LYST: variants seen among roughly 807,000 people sequenced by gnomAD.
LYST encodes the protein lysosomal trafficking regulator, also known as lysosomal-trafficking regulator.
Under a neutral mutation model 413.6 loss-of-function variants are expected in LYST, and 192 were observed. The observed-to-expected ratio is 0.46, with a 90% CI of 0.41 to 0.52. LYST has a LOEUF of 0.52. Among genes scored for constraint, LYST ranks in the 20% least tolerant of loss-of-function variants. LYST has a pLI of 0.00. For synonymous variants in LYST, 1,525 were observed against 1,567.3 expected (o/e 0.97, Z 0.64); for missense variants, 3,815 against 4,499.9 (o/e 0.85, Z 4.35).
intron 4 of LYST, 72 bp downstream of exon 4, chr1:235,812,899 A>G: frequency 1.2e-6 from 1 of 867,096 alleles, no homozygotes; most frequent in Non-Finnish European, 2.0e-6. Context: ...TCAGAATCAA[A>G]CATTCAGGCA....
At chr1:235,719,628 A>T in intron 40 of LYST, among the ~76,000 whole-genome samples, 1 of 8,592 alleles carries the variant, frequency 1.2e-4, no homozygotes, top group South Asian at 3.1e-3. Context: ...GCAGAATGAT[A>T]AAAAAAAAAA....
At position 235,674,744 on chromosome 1, in the gene LYST, A is replaced by G. The variant is rs150534643; in HGVS notation, c.11038+2347T>C. Among the ~76,000 whole-genome samples, 333 of 152,328 alleles carry G rather than the reference A, an allele frequency of 2.2e-3. 2 individuals carry two copies. Among genetic ancestry groups the G allele is most frequent in the African/African-American group, 7.7e-3 (322 of 41,572 alleles). On this transcript the variant is annotated intron_variant, in intron 50 of 52. Transcript: ENST00000389793. This position sits in a 1 kb window ranked among gnomAD's most constrained non-coding sequence, Gnocchi z 4.1. The stretch of plus-strand genomic sequence containing the variant: ...GGGTCTGTGTCATGATTGGAGTCCA[A>G]TGTTGTACTTTTATCCCTAACAACA...
intron 1 of LYST, among the ~76,000 whole-genome samples, chr1:235,838,956 C>G (rs1188740176): frequency 1.3e-5 from 2 of 152,044 alleles, no homozygotes; most frequent in Non-Finnish European, 2.9e-5. Context: ...CATTCTCTCT[C>G]TCTCCCCCTA....
At chr1:235,795,139 G>C (rs1482279895) in intron 10 of LYST, among the ~76,000 whole-genome samples, 1 of 152,154 alleles carries the variant, frequency 6.6e-6, no homozygotes, top group African/African-American at 2.4e-5. Context: ...TCCATCTAAG[G>C]TCTGGAGAGA....
intron 31 of LYST, chr1:235,737,916 A>ATAGGAAGC: frequency 2.6e-5 from 30 of 1,163,404 alleles, no homozygotes; most frequent in Admixed American, 1.3e-4. Context: ...GCTGCCGACG[A>ATAGGAAGC]GTCTGGATCT....
intron 48 of LYST, among the ~76,000 whole-genome samples, chr1:235,685,857 A>AC (rs899502913): frequency 7.8e-6 from 1 of 127,900 alleles, no homozygotes; most frequent in Non-Finnish European, 1.5e-5. Context: ...AAACAAAACA[A>AC]AAAAAAAAAA....
intron 26 of LYST, 125 bp downstream of exon 26, chr1:235,752,919 G>T (rs1239477894): frequency 1.6e-5 from 9 of 558,612 alleles, no homozygotes; most frequent in Non-Finnish European, 2.6e-5. Context: ...TTTATTTTAG[G>T]TTCAGAGGTA....
At chr1:235,786,778 T>C (rs1670459966) in intron 14 of LYST, among the ~76,000 whole-genome samples, 1 of 151,608 alleles carries the variant, frequency 6.6e-6, no homozygotes, top group Non-Finnish European at 1.5e-5. Flanking sequence ...AAATCATCAC[T>C]CTCAGCAAAC....
At chr1:235,769,449 T>G (rs1668448479) in intron 20 of LYST, among the ~76,000 whole-genome samples, 1 of 152,026 alleles carries the variant, frequency 6.6e-6, no homozygotes, top group Admixed American at 6.6e-5. Context: ...AAGCCCTTAG[T>G]GCCACCGAAG....
At chr1:235,867,152 A>C (rs182912531), upstream of LYST, among the ~76,000 whole-genome samples, 133 of 152,316 alleles carry the variant, frequency 8.7e-4, 1 homozygote, top group East Asian at 0.015. Context: ...GCGGGGCTGC[A>C]GCCGGGGCCC....
chr1:235,678,067 C>T (rs1659526526), intron 48 of LYST, among the ~76,000 whole-genome samples: 1 of 151,800 alleles, frequency 6.6e-6, no homozygotes. Flanking sequence ...ATAGATAATA[C>T]CATAAATTCT....
rs757725392 is a variant in LYST, at chr1:235,755,461, G to A, written c.7229+17C>T. On this transcript the variant is annotated intron_variant, in intron 25 of 52. Coordinates refer to ENST00000389793, the MANE Select transcript of LYST (RefSeq NM_000081.4). ...ACAAAAGATTCCCAATTATAGTGGA[G>A]GGAAGAACACACTTACTCTTCATCA... 3 of 1,582,916 alleles carry A rather than the reference G, an allele frequency of 1.9e-6. No individual in the cohort carries two copies. The highest frequency in any genetic ancestry group is 2.6e-6 in the Non-Finnish European group (3 of 1,154,262).
At chr1:235,829,272 T>C (rs1675681871) in intron 3 of LYST, 1 of 152,226 alleles carries the variant, frequency 6.6e-6, no homozygotes, top group Non-Finnish European at 1.5e-5. Context: ...TAATTTGTAT[T>C]TGCTATGTTC....
At position 235,700,937 on chromosome 1, in the gene LYST, T is replaced by C. The variant is rs143713214; in HGVS notation, c.10374+1810A>G. ...AATACATATACAATATGTCAGGTGA[T>C]AGAAGTGCTATACACCAAAACAAAG... is the stretch of plus-strand genomic sequence containing the variant. On this transcript the variant is annotated intron_variant, in intron 45 of 52. Transcript: ENST00000389793. Among the ~76,000 whole-genome samples the C allele has an allele frequency of 2.2e-3, 337 of 152,306 alleles. 1 individual carries two copies. Among genetic ancestry groups the C allele is most frequent in the African/African-American group, 7.6e-3 (317 of 41,558 alleles).
chr1:235,699,604 T>C (rs928863407), intron 45 of LYST, among the ~76,000 whole-genome samples: 1 of 152,202 alleles, frequency 6.6e-6, no homozygotes, highest in Non-Finnish European at 1.5e-5. Context: ...AGTAATGGGA[T>C]TGCTGAGTCA....
chr1:235,730,695 A>C, intron 36 of LYST, 152 bp downstream of exon 36: 2 of 620,048 alleles, frequency 3.2e-6, no homozygotes, highest in Non-Finnish European at 5.7e-6. Flanking sequence ...TTCCTTTTGG[A>C]TTTTGGCCAT....
intron 1 of LYST, among the ~76,000 whole-genome samples, chr1:235,866,436 G>C (rs908101232): frequency 1.3e-5 from 2 of 152,188 alleles, no homozygotes; most frequent in African/African-American, 2.4e-5. Flanking sequence ...GGCCCAGCTG[G>C]GCTGAGTAGT....
chr1:235,712,342 G>T, intron 42 of LYST, 145 bp from the exon 43 acceptor site: 1 of 627,412 alleles, frequency 1.6e-6, no homozygotes, highest in Non-Finnish European at 2.7e-6. Flanking sequence ...AGTTATTCAT[G>T]TTCTTGAAAA....
intron 1 of LYST, among the ~76,000 whole-genome samples, chr1:235,856,322 T>C (rs1679186893): frequency 6.6e-6 from 1 of 152,196 alleles, no homozygotes; most frequent in South Asian, 2.1e-4. Context: ...AAATGGTTGG[T>C]AGTATAACAG....
Sources: allele counts gnomAD v4.1 joint callset (sites outside exome capture counted in the v4.1 genomes callset), GRCh38; gene constraint gnomAD v4.1.1; non-coding constraint Gnocchi (gnomAD v3.1); transcripts MANE v1.5; gene names NCBI Gene and HGNC (gene_info 2026-07-23, HGNC 2026-07-21).